The following VWA8 variants were observed in gnomAD, a reference collection of about 807,000 sequenced individuals.
VWA8 encodes von Willebrand factor A domain-containing protein 8.
A neutral mutation model predicts 241.5 loss-of-function variants in VWA8; 221 were observed. The ratio of observed to expected loss-of-function variants is 0.91; its 90% CI spans 0.82 to 1.02. VWA8 has a LOEUF of 1.02. Ranked by LOEUF, VWA8 falls within the 50% of genes least tolerant of loss-of-function variation. VWA8 has a pLI of 0.00. For synonymous variants in VWA8, 852 were observed against 827.1 expected, an observed-to-expected ratio of 1.03 and a Z score of -0.52; for missense variants, 2,322 against 2,328.7, an observed-to-expected ratio of 1.00 and a Z score of 0.06.
intron 43 of VWA8, among the ~76,000 whole-genome samples, chr13:41,573,529 A>G (rs113731264): frequency 2.8e-5 from 4 of 144,180 alleles, no homozygotes; most frequent in South Asian, 2.1e-4. Context: ...ATATACGTGT[A>G]TATATATATA....
chr13:41,911,978 T>C, intron 3 of VWA8, 60 bp downstream of exon 3: 3 of 1,402,176 alleles, frequency 2.1e-6, no homozygotes, highest in Non-Finnish European at 2.8e-6. Context: ...CTTAATCTTA[T>C]TTTATTTCAT....
intron 38 of VWA8, among the ~76,000 whole-genome samples, chr13:41,613,800 A>T (rs769758272): frequency 1.3e-5 from 2 of 152,224 alleles, no homozygotes; most frequent in African/African-American, 2.4e-5. Context: ...AAGGGGAATC[A>T]AATGACTTGT....
intron 12 of VWA8, among the ~76,000 whole-genome samples, chr13:41,834,114 T>C (rs1054118595): frequency 3.9e-5 from 6 of 152,226 alleles, no homozygotes; most frequent in African/African-American, 1.2e-4. Context: ...GGTACAGGAA[T>C]TGGGAAACAA....
At chr13:41,811,769 A>G (rs1233834011) in intron 16 of VWA8, among the ~76,000 whole-genome samples, 1 of 152,156 alleles carries the variant, frequency 6.6e-6, no homozygotes, top group African/African-American at 2.4e-5. Flanking sequence ...AAAGAGTTGT[A>G]AACAATTTAG....
chr13:41,853,819 G>A (rs575720126), intron 12 of VWA8, among the ~76,000 whole-genome samples: 190 of 152,162 alleles, frequency 1.2e-3, no homozygotes, highest in African/African-American at 4.5e-3. Context: ...GATCTTTTCT[G>A]TGGTTTTTCT....
chr13:41,586,018 T>C (rs867278021), intron 42 of VWA8, among the ~76,000 whole-genome samples: 1 of 152,182 alleles, frequency 6.6e-6, no homozygotes. Context: ...TTAGGTAGGA[T>C]ATGGGTATTT....
At chr13:41,918,025 G>A (rs1325836912) in intron 2 of VWA8, among the ~76,000 whole-genome samples, 1 of 152,162 alleles carries the variant, frequency 6.6e-6, no homozygotes, top group Non-Finnish European at 1.5e-5. Flanking sequence ...TAATGGACAT[G>A]AAGGGTGAAA....
intron 43 of VWA8, among the ~76,000 whole-genome samples, chr13:41,571,835 C>T (rs991181680): frequency 2.7e-5 from 4 of 150,518 alleles, no homozygotes; most frequent in Non-Finnish European, 3.0e-5. Context: ...GGAGCCCCTC[C>T]GACTGGCCGC....
At position 41,949,069 on chromosome 13, in the gene VWA8, C is replaced by A. The variant is rs538781152; in HGVS notation, c.241+867G>T. Among the ~76,000 whole-genome samples the A allele has an allele frequency of 1.4e-4, 20 of 143,760 alleles. No homozygotes were observed. The South Asian group carries it at 4.1e-3, about 30-fold the overall frequency. 94.3% of individuals were successfully genotyped at this position (143,760 alleles called of 152,430 possible). ...AAAAAAAAAAAAAGAACAGTGATTT[C>A]CAGGGCAGGGTAAAGGGGTAGGAAC... On this transcript the variant is annotated intron_variant, in intron 2 of 44. Coordinates refer to ENST00000379310, the MANE Select transcript of VWA8 (RefSeq NM_015058.2).
At chr13:41,872,283 T>C (rs1873667115) in intron 9 of VWA8, among the ~76,000 whole-genome samples, 2 of 152,228 alleles carry the variant, frequency 1.3e-5, no homozygotes, top group South Asian at 4.1e-4. Flanking sequence ...GGTAGTTTCT[T>C]TTGCTGTGCA....
rs1009147379 is a variant in VWA8, at chr13:41,615,155, A to C, written c.4612-71T>G. 4 of 1,496,644 alleles carry C rather than the reference A, an allele frequency of 2.7e-6. No homozygotes were observed. The African/African-American group carries it at 5.5e-5, about 21-fold the overall frequency. The allele number at this position is 1,496,644 out of a possible 1,614,324, so 92.7% of individuals were successfully genotyped here. ...CCAGGGACTGCATGACAGAAAAAAA[A>C]ATTATTTTCTCCTAAGTCCTTAAGG... is the stretch of plus-strand genomic sequence containing the variant. On this transcript the variant is annotated intron_variant, in intron 37 of 44. Coordinates refer to ENST00000379310, the MANE Select transcript of VWA8 (RefSeq NM_015058.2).
chr13:41,934,603 C>T (rs576812323), intron 2 of VWA8, among the ~76,000 whole-genome samples: 8 of 151,908 alleles, frequency 5.3e-5, no homozygotes, highest in South Asian at 2.1e-4. Flanking sequence ...TGGAATACCA[C>T]TTAGAAAGAA....
intron 2 of VWA8, among the ~76,000 whole-genome samples, chr13:41,939,395 C>T (rs1330914356): frequency 6.6e-6 from 1 of 152,068 alleles, no homozygotes; most frequent in Admixed American, 6.5e-5. Context: ...TTATCCACTT[C>T]AACACTTACA....
chr13:41,833,850 G>T (rs1871596971), intron 12 of VWA8, among the ~76,000 whole-genome samples: 1 of 152,082 alleles, frequency 6.6e-6, no homozygotes, highest in Admixed American at 6.5e-5. Context: ...CTGAATAACA[G>T]AATTTAACTC....
chr13:41,875,525 A>G (rs1873856551), intron 9 of VWA8, among the ~76,000 whole-genome samples: 1 of 152,040 alleles, frequency 6.6e-6, no homozygotes, highest in African/African-American at 2.4e-5. Flanking sequence ...GTTCAGCTTC[A>G]TCTCCAATTT....
intron 37 of VWA8, among the ~76,000 whole-genome samples, chr13:41,622,622 G>C (rs1400691141): frequency 6.6e-6 from 1 of 152,128 alleles, no homozygotes; most frequent in African/African-American, 2.4e-5. Context: ...TGCTATAATC[G>C]TAAGAATCAT....
intron 39 of VWA8, among the ~76,000 whole-genome samples, chr13:41,605,977 G>GT (rs1358339926): frequency 6.6e-6 from 1 of 152,000 alleles, no homozygotes; most frequent in Non-Finnish European, 1.5e-5. Context: ...GAAGCTCCCC[G>GT]TACACATCAC....
intron 17 of VWA8, among the ~76,000 whole-genome samples, chr13:41,796,868 A>G (rs372212109): frequency 4.0e-5 from 6 of 151,642 alleles, no homozygotes; most frequent in Middle Eastern, 3.5e-3. Flanking sequence ...AATATTTCAC[A>G]ATTTTCATTC....
intron 17 of VWA8, among the ~76,000 whole-genome samples, chr13:41,809,937 A>G (rs2137972485): frequency 6.6e-6 from 1 of 152,290 alleles, no homozygotes; most frequent in South Asian, 2.1e-4. Flanking sequence ...AATGCATGAA[A>G]GATCTGAATA....
Sources: allele counts gnomAD v4.1 joint callset (sites outside exome capture counted in the v4.1 genomes callset), GRCh38; gene constraint gnomAD v4.1.1; transcripts MANE v1.5; gene names NCBI Gene and HGNC (gene_info 2026-07-23, HGNC 2026-07-21).